Variants in ENKUR observed in about 807,000 individuals in gnomAD.
ENKUR encodes the protein enkurin, TRPC channel interacting protein, also known as enkurin.
In ENKUR, 19 loss-of-function variants were observed where a neutral mutation model predicts 27.6. The observed-to-expected ratio is 0.69, with a 90% CI of 0.48 to 1.01. ENKUR has a LOEUF of 1.01. Among genes scored for constraint, ENKUR ranks in the 50% least tolerant of loss-of-function variants. The pLI is 0.00. For synonymous variants in ENKUR, 117 were observed against 96.9 expected (o/e 1.21, Z -1.22); for missense variants, 312 against 310.5 (o/e 1.00, Z -0.04).
At chr10:25,061,256 C>T in exon 2 of ENKUR, 1 of 884,096 alleles carries the variant, frequency 1.1e-6, no homozygotes, top group Non-Finnish European at 1.8e-6. Context: ...GTTGATGCTG[C>T]CAGACACATC....
At chr10:25,029,271 G>T (rs1294610175) in intron 2 of ENKUR, among the ~76,000 whole-genome samples, 2 of 152,072 alleles carry the variant, frequency 1.3e-5, no homozygotes, top group African/African-American at 4.8e-5. Flanking sequence ...TCAGGCTATG[G>T]TTATAATTTC....
chr10:25,021,733 C>T (rs141182903), intron 2 of ENKUR: 1 of 152,022 alleles, frequency 6.6e-6, no homozygotes. Flanking sequence ...AAATTTTTTT[C>T]CATTATAGAC....
At chr10:25,012,675 C>CTGGACCCCCAT (rs1393676077) in intron 1 of ENKUR, among the ~76,000 whole-genome samples, 1 of 152,244 alleles carries the variant, frequency 6.6e-6, no homozygotes, top group Non-Finnish European at 1.5e-5. Flanking sequence ...TACCCAATGC[C>CTGGACCCCCAT]TGGACCCCCA....
chr10:25,025,226 A>G (rs1211964807), intron 2 of ENKUR: 25 of 1,614,080 alleles, frequency 1.5e-5, no homozygotes, highest in Non-Finnish European at 2.1e-5. Flanking sequence ...ACAGCCCATT[A>G]CTCAAAGTTT....
chr10:24,995,596 A>G (rs1025806451), intron 3 of ENKUR, 50 bp downstream of exon 3: 9 of 1,462,320 alleles, frequency 6.2e-6, no homozygotes, highest in South Asian at 1.2e-5. Flanking sequence ...TGAACACCAT[A>G]TTTAAATTAT....
chr10:25,020,698 G>T (rs1316600175), upstream of ENKUR, among the ~76,000 whole-genome samples: 1 of 151,020 alleles, frequency 6.6e-6, no homozygotes, highest in Non-Finnish European at 1.5e-5. Context: ...CTGAGATCAT[G>T]CCACTGCACT....
chr10:24,998,242 G>A (rs961043370), intron 2 of ENKUR, among the ~76,000 whole-genome samples: 15 of 152,118 alleles, frequency 9.9e-5, no homozygotes, highest in African/African-American at 3.4e-4. Flanking sequence ...GACATAAAAA[G>A]CCAACATTTT....
intron 1 of ENKUR, among the ~76,000 whole-genome samples, chr10:25,002,922 TA>T (rs563695697): frequency 4.9e-4 from 72 of 147,230 alleles, no homozygotes; most frequent in Non-Finnish European, 5.0e-4. Context: ...TCATTTGGGG[TA>T]AAAAAAAAAG....
At chr10:25,006,343 G>A (rs1300955221) in intron 1 of ENKUR, among the ~76,000 whole-genome samples, 1 of 152,040 alleles carries the variant, frequency 6.6e-6, no homozygotes, top group South Asian at 2.1e-4. Context: ...TCCTCTCTCC[G>A]TGAATCCTGG....
At chr10:25,060,463 T>C (rs1368492272) in intron 2 of ENKUR, among the ~76,000 whole-genome samples, 1 of 152,192 alleles carries the variant, frequency 6.6e-6, no homozygotes, top group Non-Finnish European at 1.5e-5. Flanking sequence ...AAATAATACT[T>C]GAAAGTCCCT....
At chr10:25,024,527 C>A in intron 2 of ENKUR, 1 of 1,614,086 alleles carries the variant, frequency 6.2e-7, no homozygotes, top group South Asian at 1.1e-5. Flanking sequence ...GGTGTTGAGT[C>A]AGATTTTGAT....
chr10:25,039,510 G>A (rs533362768), intron 2 of ENKUR, among the ~76,000 whole-genome samples: 13 of 152,316 alleles, frequency 8.5e-5, no homozygotes, highest in African/African-American at 3.1e-4. Flanking sequence ...AGCCCGAGAG[G>A]TGGAGGTTGC....
chr10:25,055,935 G>A (rs1044865806), intron 2 of ENKUR, among the ~76,000 whole-genome samples: 1 of 152,300 alleles, frequency 6.6e-6, no homozygotes. Flanking sequence ...GTTTTCTGCT[G>A]GCATGGGTTG....
chr10:25,020,274 C>CTG (rs1850692787), upstream of ENKUR, among the ~76,000 whole-genome samples: 1 of 97,368 alleles, frequency 1.0e-5, no homozygotes, highest in Non-Finnish European at 2.5e-5. Context: ...ATATCTATAT[C>CTG]TATATATATC....
chr10:25,014,776 T>A (rs1268707681), intron 1 of ENKUR, among the ~76,000 whole-genome samples: 1 of 152,230 alleles, frequency 6.6e-6, no homozygotes, highest in East Asian at 1.9e-4. Flanking sequence ...TAGATGTTGA[T>A]ATGCTAATGG....
intron 2 of ENKUR, among the ~76,000 whole-genome samples, chr10:25,034,807 T>A (rs1269347837): frequency 6.6e-6 from 1 of 152,208 alleles, no homozygotes; most frequent in Non-Finnish European, 1.5e-5. Flanking sequence ...AGTCATCAGT[T>A]CAAGAGATAC....
Position 25,027,356 on chromosome 10 carries a change from T to TAAAAAAAAAAAAAAAAA in ENKUR, c.38-31488_38-31487insTTTTTTTTTTTTTTTTT, listed in dbSNP as rs1564352066. Among the ~76,000 whole-genome samples, 248 of 45,706 alleles carry TAAAAAAAAAAAAAAAAA rather than the reference T, an allele frequency of 5.4e-3. 51 individuals are homozygous for TAAAAAAAAAAAAAAAAA. The highest frequency in any genetic ancestry group is 0.011 in the Admixed American group (38 of 3,474). 30.0% of individuals were successfully genotyped at this position (45,706 alleles called of 152,430 possible). On this transcript the variant is annotated intron_variant, in intron 2 of 5. Transcript: ENST00000615958. ...TGGGTGACAGAGCAAGACTCCCGTC[T>TAAAAAAAAAAAAAAAAA]CAAAAAAAAAAAAAAAAAAAAAAAA...
intron 2 of ENKUR, chr10:25,061,014 C>G (rs1229858563): frequency 8.2e-7 from 1 of 1,215,392 alleles, no homozygotes; most frequent in African/African-American, 1.5e-5. Flanking sequence ...GGGCCTGGCC[C>G]TTATGTTTCT....
At chr10:25,062,018 C>T (rs1302538220) in intron 1 of ENKUR, among the ~76,000 whole-genome samples, 3 of 152,154 alleles carry the variant, frequency 2.0e-5, no homozygotes, top group East Asian at 1.9e-4. Context: ...GTAACGATAA[C>T]GACTACTAGC....
Sources: allele counts gnomAD v4.1 joint callset (sites outside exome capture counted in the v4.1 genomes callset), GRCh38; gene constraint gnomAD v4.1.1; transcripts MANE v1.5; gene names NCBI Gene and HGNC (gene_info 2026-07-23, HGNC 2026-07-21).